The following POU3F3 variants were observed in gnomAD, a reference collection of about 807,000 sequenced individuals.
The protein encoded by POU3F3 is POU class 3 homeobox 3.
Under a neutral mutation model 8.6 loss-of-function variants are expected in POU3F3, and 1 was observed. The ratio of observed to expected loss-of-function variants is 0.12; its 90% CI spans 0.04 to 0.55. The LOEUF is 0.55. Among genes scored for constraint, POU3F3 ranks in the 20% least tolerant of loss-of-function variants. The pLI, the probability that POU3F3 is intolerant of heterozygous loss-of-function variation, is 0.91. For missense variants in POU3F3, 577 were observed against 690.7 expected, an observed-to-expected ratio of 0.84 and a Z score of 1.84; for synonymous variants, 418 against 327.4, an observed-to-expected ratio of 1.28 and a Z score of -2.99.
rs1478538490 is a variant in POU3F3, at chr2:104,855,146, C to G, written c.-365C>G. ...GGCTGGGGGGCGGCCACGACCCCCC[C>G]TGAAGGGGGTGGCCACGGAGCGCAC... On this transcript the variant is annotated 5_prime_UTR_variant, in exon 1 of 1. Coordinates refer to ENST00000361360, the MANE Select transcript of POU3F3 (RefSeq NM_006236.3). Among the ~76,000 whole-genome samples the G allele has an allele frequency of 6.6e-6, 1 of 151,716 alleles. No homozygotes were observed. Among genetic ancestry groups the G allele is most frequent in the Non-Finnish European group, 1.5e-5 (1 of 67,868 alleles).
chr2:104,871,263 T>C, the POU3F3 span, among the ~76,000 whole-genome samples: 1 of 152,232 alleles, frequency 6.6e-6, no homozygotes, highest in Non-Finnish European at 1.5e-5. Context: ...GACTCCATTA[T>C]TTACCAGCAG....
chr2:104,874,682 A>G, the POU3F3 span, among the ~76,000 whole-genome samples: 2 of 152,294 alleles, frequency 1.3e-5, 1 homozygote, highest in South Asian at 4.1e-4. Context: ...TCACCAGTCC[A>G]GGCTCAAAAC....
the POU3F3 span, among the ~76,000 whole-genome samples, chr2:104,921,308 G>A: frequency 6.6e-6 from 1 of 152,148 alleles, no homozygotes; most frequent in Non-Finnish European, 1.5e-5. Flanking sequence ...AGAATTCTGG[G>A]AAGATGGCAG....
At chr2:104,903,357 G>A in the POU3F3 span, among the ~76,000 whole-genome samples, 1 of 152,156 alleles carries the variant, frequency 6.6e-6, no homozygotes, top group Admixed American at 6.5e-5. Context: ...GTGCTCCCAT[G>A]CACCGGTGCT....
the POU3F3 span, among the ~76,000 whole-genome samples, chr2:104,888,819 C>A: frequency 6.6e-6 from 1 of 152,132 alleles, no homozygotes; most frequent in East Asian, 1.9e-4. Flanking sequence ...TCTCCTTCAC[C>A]ACCACCCTCC....
the POU3F3 span, among the ~76,000 whole-genome samples, chr2:104,906,136 CT>C: frequency 6.6e-6 from 1 of 152,194 alleles, no homozygotes; most frequent in Non-Finnish European, 1.5e-5. Context: ...GTCTTCCTCA[CT>C]TTAAGATTAT....
At chr2:104,899,930 A>G in the POU3F3 span, among the ~76,000 whole-genome samples, 1 of 152,208 alleles carries the variant, frequency 6.6e-6, no homozygotes, top group Admixed American at 6.5e-5. Flanking sequence ...ACATTCGAAG[A>G]CTGCCCTTGT....
the POU3F3 span, among the ~76,000 whole-genome samples, chr2:104,923,174 C>T: frequency 6.6e-6 from 1 of 152,172 alleles, no homozygotes; most frequent in East Asian, 1.9e-4. Context: ...AATGAAAGGA[C>T]ACTAGAGAGT....
the POU3F3 span, among the ~76,000 whole-genome samples, chr2:104,898,463 C>CAAA: frequency 5.3e-5 from 8 of 152,120 alleles, no homozygotes; most frequent in African/African-American, 1.9e-4. Flanking sequence ...ATTATGCTAT[C>CAAA]AAGCTTAATG....
At chr2:104,887,816 A>C in the POU3F3 span, among the ~76,000 whole-genome samples, 2 of 152,206 alleles carry the variant, frequency 1.3e-5, no homozygotes, top group Non-Finnish European at 2.9e-5. Context: ...TGGTCCATGA[A>C]CTTACAGCAA....
the POU3F3 span, among the ~76,000 whole-genome samples, chr2:104,901,688 T>G: frequency 6.6e-6 from 1 of 152,208 alleles, no homozygotes; most frequent in Admixed American, 6.5e-5. Flanking sequence ...TTTAATTGTC[T>G]GAAGAGGTGT....
At position 104,856,185 on chromosome 2, in the gene POU3F3, C is replaced by T; in HGVS notation, c.675C>T (p.Pro225=). The T allele has an allele frequency of 3.2e-6, 4 of 1,268,700 alleles. No homozygotes were observed. Among genetic ancestry groups the T allele is most frequent in the South Asian group, 5.6e-5 (2 of 35,796 alleles). The allele number at this position is 1,268,700 out of a possible 1,614,324, so 78.6% of individuals were successfully genotyped here. ...CGCAGAGTCTGCTCTACTCGCAGCC[C>T]GGAGGCTTCACGGTGAACGGCATGC... ...PPPQSLLYSQ[P]GGFTVNGMLS... is the part of the protein sequence containing the mutation. Residue 225 remains proline, a synonymous_variant, in exon 1 of 1, where the codon CCC becomes CCT. Transcript: ENST00000361360.
chr2:104,891,844 T>G, the POU3F3 span, among the ~76,000 whole-genome samples: 1 of 152,170 alleles, frequency 6.6e-6, no homozygotes, highest in Non-Finnish European at 1.5e-5. Flanking sequence ...ATCCAGTCAA[T>G]CAACCAGCTG....
the POU3F3 span, among the ~76,000 whole-genome samples, chr2:104,878,496 A>C: frequency 6.6e-6 from 1 of 152,222 alleles, no homozygotes; most frequent in South Asian, 2.1e-4. Flanking sequence ...TCTCAATGGA[A>C]GCTTGGTGCT....
the POU3F3 span, among the ~76,000 whole-genome samples, chr2:104,897,787 A>T: frequency 6.6e-6 from 1 of 152,222 alleles, no homozygotes; most frequent in Non-Finnish European, 1.5e-5. Context: ...ATTTCAACCA[A>T]GGTTTAGATA....
chr2:104,914,637 T>C, the POU3F3 span, among the ~76,000 whole-genome samples: 3 of 152,180 alleles, frequency 2.0e-5, no homozygotes, highest in South Asian at 4.2e-4. Context: ...GTATATCTGG[T>C]GTGTCTGGCG....
the POU3F3 span, among the ~76,000 whole-genome samples, chr2:104,924,691 T>C: frequency 1.3e-5 from 2 of 152,222 alleles, no homozygotes; most frequent in African/African-American, 4.8e-5. Context: ...CCTCATCTCT[T>C]CATCTTTTGA....
At chr2:104,884,691 T>C in the POU3F3 span, among the ~76,000 whole-genome samples, 1 of 152,146 alleles carries the variant, frequency 6.6e-6, no homozygotes, top group Non-Finnish European at 1.5e-5. Flanking sequence ...AGGACTCTTC[T>C]CTAACTCAGA....
At chr2:104,927,597 T>A in the POU3F3 span, among the ~76,000 whole-genome samples, 1 of 151,484 alleles carries the variant, frequency 6.6e-6, no homozygotes, top group African/African-American at 2.4e-5. Context: ...CTCTAGAAAA[T>A]TTTTTTAAAA....
Sources: allele counts gnomAD v4.1 joint callset (sites outside exome capture counted in the v4.1 genomes callset), GRCh38; gene constraint gnomAD v4.1.1; transcripts MANE v1.5; gene names NCBI Gene and HGNC (gene_info 2026-07-23, HGNC 2026-07-21).